RILPL1: variants seen among roughly 807,000 people sequenced by gnomAD.
The protein encoded by RILPL1 is Rab interacting lysosomal protein like 1, also known as RILP-like protein 1.
Under a neutral mutation model 50.3 loss-of-function variants are expected in RILPL1, and 33 were observed. The ratio of observed to expected loss-of-function variants is 0.66; its 90% confidence interval spans 0.50 to 0.88. RILPL1 has a LOEUF of 0.88. Among genes scored for constraint, RILPL1 ranks in the 40% least tolerant of loss-of-function variants. The probability of loss-of-function intolerance (pLI) is 0.00; values close to 1 mark genes in which losing one functional copy is unlikely to be tolerated. For missense variants in RILPL1, 418 were observed against 542.5 expected, an observed-to-expected ratio of 0.77 and a Z score of 2.28; for synonymous variants, 205 against 228.6, an observed-to-expected ratio of 0.90 and a Z score of 0.93.
chr12:123,478,621 T>C (rs1881756039), intron 6 of RILPL1, among the ~76,000 whole-genome samples: 2 of 152,024 alleles, frequency 1.3e-5, no homozygotes, highest in Non-Finnish European at 1.5e-5. Context: ...TGCACTGTCA[T>C]TGCTACCCCT....
chr12:123,479,401 G>A (rs1394342975), intron 6 of RILPL1, among the ~76,000 whole-genome samples: 1 of 152,138 alleles, frequency 6.6e-6, no homozygotes, highest in Non-Finnish European at 1.5e-5. Context: ...TGAGCAGACC[G>A]CATGGCTAAT....
chr12:123,502,398 C>T (rs146132801), intron 2 of RILPL1, among the ~76,000 whole-genome samples: 1,855 of 151,896 alleles, frequency 0.012, 30 homozygotes, highest in African/African-American at 0.041. Context: ...TTTTTGTTAT[C>T]GGGCATGCAA....
At chr12:123,494,545 T>C (rs901466262) in intron 4 of RILPL1, among the ~76,000 whole-genome samples, 5 of 152,174 alleles carry the variant, frequency 3.3e-5, no homozygotes, top group Non-Finnish European at 5.9e-5. Flanking sequence ...CTCGATGTTC[T>C]TGAGACCCCG....
chr12:123,498,458 G>T lies in RILPL1; in HGVS notation c.801+86C>A. On this transcript the variant is annotated intron_variant, in intron 4 of 6. Transcript: ENST00000376874. This position sits in a 1 kb window ranked among gnomAD's most constrained non-coding sequence, Gnocchi z 4.3. ...GGTTGGCCATTTTCTGAAGTATAAT[G>T]GGGAAAACAAGGCAACCCTGCCTGC... 1.6e-6 allele frequency: 2 copies of T among 1,217,970 alleles called. No individual in the cohort carries two copies. The highest frequency in any genetic ancestry group is 1.2e-6 in the Non-Finnish European group (1 of 842,298). The allele number at this position is 1,217,970 out of a possible 1,614,324, so 75.4% of individuals were successfully genotyped here.
At chr12:123,521,654 CAT>C (rs1566144417) in intron 2 of RILPL1, among the ~76,000 whole-genome samples, 135 of 5,858 alleles carry the variant, frequency 0.023, 2 homozygotes, top group Middle Eastern at 0.14. Flanking sequence ...TATATATACA[CAT>C]ATATGTATAT....
At chr12:123,488,572 G>A (rs1442253167) in intron 4 of RILPL1, among the ~76,000 whole-genome samples, 2 of 152,194 alleles carry the variant, frequency 1.3e-5, no homozygotes, top group Admixed American at 1.3e-4. Flanking sequence ...AGAGCCGAGA[G>A]GCTTCACACC....
At chr12:123,521,633 ACATATGTG>A (rs1378381924) in intron 2 of RILPL1, among the ~76,000 whole-genome samples, 2 of 6,190 alleles carry the variant, frequency 3.2e-4, no homozygotes, top group African/African-American at 5.9e-4. Context: ...ATATATACAC[ACATATGTG>A]TATATATATA....
At position 123,498,614 on chromosome 12, in the gene RILPL1, C is replaced by T. The variant is rs771784759; in HGVS notation, c.731G>A (p.Arg244Gln). The T allele has an allele frequency of 5.6e-6, 9 of 1,613,648 alleles. No homozygotes were observed. Among genetic ancestry groups the T allele is most frequent in the South Asian group, 4.4e-5 (4 of 91,088 alleles). ...CTCTCGCAACTTCCCCAGCTCTGCT[C>T]GCAGGCTGCCCATCTCCTGCTCCTT... is the stretch of plus-strand genomic sequence containing the variant. ...QTKEQEMGSL[R>Q]AELGKLRERL... Residue 244 changes from arginine to glutamine, a missense_variant, in exon 4 of 7, where the codon CGA becomes CAA. Transcript: ENST00000376874. This position sits in a 1 kb window ranked among gnomAD's most constrained non-coding sequence, Gnocchi z 4.3.
chr12:123,493,219 C>T (rs1364939703), intron 4 of RILPL1, among the ~76,000 whole-genome samples: 4 of 152,216 alleles, frequency 2.6e-5, no homozygotes, highest in Non-Finnish European at 5.9e-5. Flanking sequence ...GGCAGCAATA[C>T]TGCTTTGTAA....
At chr12:123,480,158 CTTTTTTTT>C (rs957649286) in intron 6 of RILPL1, among the ~76,000 whole-genome samples, 7 of 117,030 alleles carry the variant, frequency 6.0e-5, no homozygotes, top group African/African-American at 1.8e-4. Flanking sequence ...AAGGCTGATT[CTTTTTTTT>C]TTTTTTTTTT....
chr12:123,487,670 C>T (rs746888409), intron 4 of RILPL1, among the ~76,000 whole-genome samples: 1 of 152,206 alleles, frequency 6.6e-6, no homozygotes, highest in Non-Finnish European at 1.5e-5. Flanking sequence ...TGTGTTTATC[C>T]ATTCTTCAGC....
rs1257758819 is a variant in RILPL1, at chr12:123,470,610, C to G, written c.*1928G>C. The G allele has an allele frequency of 2.6e-5, 4 of 151,830 alleles. No homozygotes were observed. Among genetic ancestry groups the G allele is most frequent in the African/African-American group, 9.7e-5 (4 of 41,274 alleles). The allele number at this position is 151,830 out of a possible 1,614,324, so 9.4% of individuals were successfully genotyped here. The stretch of plus-strand genomic sequence containing the variant: ...ACCAGCCTGGCCAACATGGTGAAAC[C>G]CCGTCTTTACTAAAAATACAAAAAT... On this transcript the variant is annotated 3_prime_UTR_variant, in exon 7 of 7. Coordinates refer to ENST00000376874, the MANE Select transcript of RILPL1 (RefSeq NM_178314.5).
chr12:123,472,646 G>A lies in RILPL1; in HGVS notation c.1104C>T (p.Ala368=). The A allele has an allele frequency of 6.3e-7, 1 of 1,598,310 alleles. No homozygotes were observed. Among genetic ancestry groups the A allele is most frequent in the Non-Finnish European group, 8.5e-7 (1 of 1,172,388 alleles). The change falls in exon 7 of 7, where the codon GCC becomes GCT. Residue 368 remains alanine, a synonymous_variant. Coordinates refer to ENST00000376874, the MANE Select transcript of RILPL1 (RefSeq NM_178314.5). ...GGATGTGCACGTTTCTCTGTGTGTT[G>A]GCCAGGCGCTTCTTATCTCGGGAGA... is the stretch of plus-strand genomic sequence containing the variant. ...SFFSRDKKRL[A]NTQRNVHIQE... is the part of the protein sequence containing the mutation.
intron 1 of RILPL1, among the ~76,000 whole-genome samples, chr12:123,526,669 C>T (rs1166913812): frequency 6.6e-6 from 1 of 152,218 alleles, no homozygotes; most frequent in Non-Finnish European, 1.5e-5. Context: ...TTCTCAGACC[C>T]ACCTCCTTTG....
At chr12:123,475,478 G>A (rs1421006664) in intron 6 of RILPL1, 6 of 590,496 alleles carry the variant, frequency 1.0e-5, no homozygotes, top group Admixed American at 5.7e-5. Context: ...GGCTTCGCTC[G>A]AGTAGACCGA....
At chr12:123,490,831 A>G (rs1216971726) in intron 4 of RILPL1, among the ~76,000 whole-genome samples, 1 of 150,712 alleles carries the variant, frequency 6.6e-6, no homozygotes, top group Non-Finnish European at 1.5e-5. Flanking sequence ...GCTCACCGCA[A>G]CCTCTGCTTC....
In RILPL1 at chr12:123,498,814, C is replaced by G; in HGVS notation, c.580-49G>C. 1 of 1,561,436 alleles carries G rather than the reference C, an allele frequency of 6.4e-7. No homozygotes were observed. Among genetic ancestry groups the G allele is most frequent in the Non-Finnish European group, 8.8e-7 (1 of 1,140,312 alleles). ...TGCGGGGCTGCCACCTGCGGTAGCT[C>G]AGGTTGTACACTGCACAACGGCAAA... On this transcript the variant is annotated intron_variant, in intron 3 of 6. Coordinates refer to ENST00000376874, the MANE Select transcript of RILPL1 (RefSeq NM_178314.5). The surrounding 1 kb of genome is among the most constrained non-coding windows in gnomAD (Gnocchi z 4.3).
chr12:123,485,845 C>A lies in RILPL1; in HGVS notation c.802-40G>T. ...GATGCTGCTAATGAATTCTTGGCAG[C>A]CACTGCCAGCACCCACTCTCTATCC... On this transcript the variant is annotated intron_variant, in intron 4 of 6. Transcript: ENST00000376874. The surrounding 1 kb of genome is among the most constrained non-coding windows in gnomAD (Gnocchi z 4.0). 6.4e-7 allele frequency: 1 copy of A among 1,557,516 alleles called. No individual in the cohort carries two copies. The highest frequency in any genetic ancestry group is 8.7e-7 in the Non-Finnish European group (1 of 1,152,642).
At chr12:123,532,332 A>G (rs1885463230) in intron 1 of RILPL1, among the ~76,000 whole-genome samples, 1 of 152,090 alleles carries the variant, frequency 6.6e-6, no homozygotes, top group African/African-American at 2.4e-5. Flanking sequence ...CTCCAGGCCC[A>G]GTGGGGAGGC....
Sources: allele counts gnomAD v4.1 joint callset (sites outside exome capture counted in the v4.1 genomes callset), GRCh38; gene constraint gnomAD v4.1.1; non-coding constraint Gnocchi (gnomAD v3.1); transcripts MANE v1.5; gene names NCBI Gene and HGNC (gene_info 2026-07-23, HGNC 2026-07-21).